The following TRMT11 variants were observed in gnomAD, a reference collection of about 807,000 sequenced individuals.
The protein encoded by TRMT11 is tRNA (guanine(10)-N(2))-methyltransferase TRMT11.
In TRMT11, 53 loss-of-function variants were observed where a neutral mutation model predicts 62.8. That is an observed-to-expected ratio of 0.84 (90% CI 0.68 to 1.06). The LOEUF (loss-of-function observed/expected upper bound fraction) is 1.06. Ranked by LOEUF, TRMT11 falls within the 50% of genes least tolerant of loss-of-function variation. The pLI, the probability that TRMT11 is intolerant of heterozygous loss-of-function variation, is 0.00. For synonymous variants in TRMT11, 188 were observed against 190.3 expected (o/e 0.99, Z 0.10); for missense variants, 556 against 553.4 (o/e 1.00, Z -0.05).
At chr6:126,093,583 A>G (rs533188076) in intron 17 of TRMT11, among the ~76,000 whole-genome samples, 29 of 70,400 alleles carry the variant, frequency 4.1e-4, no homozygotes, top group Non-Finnish European at 5.9e-4. Context: ...CAGGATATGT[A>G]TGTATATATA....
the TRMT11 span, among the ~76,000 whole-genome samples, chr6:126,212,778 C>T: frequency 6.6e-6 from 1 of 151,992 alleles, no homozygotes; most frequent in Non-Finnish European, 1.5e-5. Context: ...GGCTTTTTAA[C>T]CTGAGGTCAT....
intron 21 of TRMT11, among the ~76,000 whole-genome samples, chr6:126,150,459 A>G (rs1347095571): frequency 6.6e-6 from 1 of 152,234 alleles, no homozygotes; most frequent in African/African-American, 2.4e-5. Context: ...TATAAACCTT[A>G]TCACAGTACC....
chr6:126,244,671 T>C, the TRMT11 span, among the ~76,000 whole-genome samples: 1 of 152,364 alleles, frequency 6.6e-6, no homozygotes, highest in South Asian at 2.1e-4. Flanking sequence ...AATGTGTTCA[T>C]GGCTGAAATT....
At chr6:126,241,298 C>G in the TRMT11 span, among the ~76,000 whole-genome samples, 1 of 152,206 alleles carries the variant, frequency 6.6e-6, no homozygotes, top group Non-Finnish European at 1.5e-5. Flanking sequence ...ACGCTGGGAG[C>G]TGTAGACAGG....
At chr6:126,038,525 GAT>G (rs552495419) in intron 12 of TRMT11, among the ~76,000 whole-genome samples, 178 bp from the exon 13 acceptor site, 294 of 151,826 alleles carry the variant, frequency 1.9e-3, no homozygotes, top group South Asian at 3.7e-3. Flanking sequence ...AAACACTTTG[GAT>G]ATCCAAGCAT....
intron 21 of TRMT11, among the ~76,000 whole-genome samples, chr6:126,116,159 A>G (rs932789150): frequency 1.3e-5 from 2 of 151,962 alleles, no homozygotes; most frequent in Non-Finnish European, 2.9e-5. Flanking sequence ...GCTCTGCAAC[A>G]AGGTGAGCTT....
intron 21 of TRMT11, among the ~76,000 whole-genome samples, chr6:126,124,318 T>C (rs1376742907): frequency 1.3e-5 from 2 of 152,126 alleles, no homozygotes; most frequent in African/African-American, 4.8e-5. Context: ...TGGATGGCAG[T>C]ATTCTCAGAG....
chr6:126,146,071 A>G (rs1777970946), intron 21 of TRMT11, among the ~76,000 whole-genome samples: 1 of 152,204 alleles, frequency 6.6e-6, no homozygotes, highest in Admixed American at 6.5e-5. Context: ...CTTAACCTTC[A>G]GGAAAAAGAC....
chr6:126,267,251 T>G, the TRMT11 span, among the ~76,000 whole-genome samples: 1 of 152,212 alleles, frequency 6.6e-6, no homozygotes. Context: ...TGTTAAGTAT[T>G]AAATGATTTA....
intron 21 of TRMT11, among the ~76,000 whole-genome samples, chr6:126,168,169 G>A (rs1778289245): frequency 6.6e-6 from 1 of 152,180 alleles, no homozygotes; most frequent in Admixed American, 6.5e-5. Context: ...ATGCTGAACA[G>A]TGAAGCTGTG....
rs1777981774 is a variant in TRMT11 at position 126,146,926 on chromosome 6, ATGCTC to A, written c.*1824-27898_*1824-27894del. 5.0e-5 allele frequency among the ~76,000 whole-genome samples: 2 copies of A among 39,630 alleles called. 1 individual carries two copies. Among genetic ancestry groups the A allele is most frequent in the African/African-American group, 2.4e-4 (2 of 8,306 alleles). 26.0% of individuals were successfully genotyped at this position (39,630 alleles called of 152,430 possible). A position where few individuals can be genotyped will look rare whatever the true frequency, so the allele number is the denominator to read the frequency against. ...AGTGATTATTAGACATAATGTCAAG[ATGCTC>A]ATATTCTGCTTAGGGGTTAAAATAC... is the stretch of plus-strand genomic sequence containing the variant. On this transcript the variant is annotated intron_variant and NMD_transcript_variant, in intron 21 of 22. Transcript: ENST00000648977.
chr6:126,188,390 A>G (rs1054709498), intron 1 of TRMT11, among the ~76,000 whole-genome samples: 5 of 152,072 alleles, frequency 3.3e-5, no homozygotes, highest in African/African-American at 7.2e-5. Context: ...TGGATTCAAC[A>G]TCATAGTACT....
intron 21 of TRMT11, among the ~76,000 whole-genome samples, chr6:126,148,164 C>A (rs972214129): frequency 2.0e-5 from 3 of 151,896 alleles, no homozygotes; most frequent in African/African-American, 7.3e-5. Flanking sequence ...CTGGTATTGC[C>A]CTGTTTACCT....
chr6:126,259,970 G>A, the TRMT11 span, among the ~76,000 whole-genome samples: 3 of 152,016 alleles, frequency 2.0e-5, no homozygotes, highest in African/African-American at 7.2e-5. Context: ...GCTAAGGTGA[G>A]TCTCTTGCAG....
chr6:126,124,240 A>C (rs1777683136), intron 21 of TRMT11, among the ~76,000 whole-genome samples: 1 of 150,362 alleles, frequency 6.7e-6, no homozygotes, highest in Admixed American at 6.6e-5. Context: ...TGTCTGTCTT[A>C]GTTCTTTTCT....
At chr6:126,040,173 G>A (rs887505942), downstream of TRMT11, among the ~76,000 whole-genome samples, 6 of 151,988 alleles carry the variant, frequency 3.9e-5, no homozygotes, top group East Asian at 1.9e-4. Flanking sequence ...TTTTAGCTTA[G>A]CCCCTTTTTT....
chr6:126,250,069 A>T, the TRMT11 span, among the ~76,000 whole-genome samples: 2 of 152,222 alleles, frequency 1.3e-5, no homozygotes, highest in Non-Finnish European at 2.9e-5. Flanking sequence ...ATTTTCAATT[A>T]CTTTTATTTT....
At chr6:126,242,231 A>C in the TRMT11 span, among the ~76,000 whole-genome samples, 2 of 152,146 alleles carry the variant, frequency 1.3e-5, no homozygotes, top group Admixed American at 6.5e-5. Context: ...TTACAAGGGA[A>C]GTGAAGGACC....
At chr6:126,147,796 T>C (rs1777990516) in intron 21 of TRMT11, among the ~76,000 whole-genome samples, 1 of 151,470 alleles carries the variant, frequency 6.6e-6, no homozygotes, top group African/African-American at 2.4e-5. Context: ...TCTTTGCAAC[T>C]AGATGCAAGA....
Sources: gnomAD v4.1 joint callset for allele counts (sites outside exome capture counted in the v4.1 genomes callset) on GRCh38, gnomAD v4.1.1 for gene constraint, MANE v1.5 for transcripts, NCBI Gene and HGNC (gene_info 2026-07-23, HGNC 2026-07-21) for gene names.